RAB27B: variants seen among roughly 807,000 people sequenced by gnomAD.
The protein encoded by RAB27B is RAB27B, member RAS oncogene family.
A neutral mutation model predicts 24.6 loss-of-function variants in RAB27B; 15 were observed. The ratio of observed to expected loss-of-function variants is 0.61; its 90% CI spans 0.41 to 0.94. The LOEUF (loss-of-function observed/expected upper bound fraction) is 0.94, where lower values mean the gene tolerates loss of function less well. Ranked by LOEUF, RAB27B falls within the 40% of genes least tolerant of loss-of-function variation. The pLI is 0.00. For synonymous variants in RAB27B, 105 were observed against 92.5 expected, an observed-to-expected ratio of 1.14 and a Z score of -0.78; for missense variants, 261 against 266.8, an observed-to-expected ratio of 0.98 and a Z score of 0.15.
chr18:54,831,685 G>T (rs997951767), intron 1 of RAB27B, among the ~76,000 whole-genome samples: 1 of 152,012 alleles, frequency 6.6e-6, no homozygotes, highest in Non-Finnish European at 1.5e-5. Flanking sequence ...ATACTAAGAA[G>T]AAAAAATGTT....
upstream of RAB27B, among the ~76,000 whole-genome samples, chr18:54,824,374 G>A (rs114477032): frequency 6.6e-6 from 1 of 152,180 alleles, no homozygotes; most frequent in Non-Finnish European, 1.5e-5. Flanking sequence ...TGATCTAACT[G>A]TGGTAACAAC....
rs576493939 is a variant in RAB27B at position 54,814,624 on chromosome 18, T to A, written c.-19-62943T>A. On this transcript the variant is annotated intron_variant, in intron 2 of 4. Transcript: ENST00000586570. Reference sequence around the variant, plus strand: ...TCTTAGATTAGTTATATCTAATCCCTCTTCTGTAGATGATAAAAAGGCAAG... The same window carrying A: ...TCTTAGATTAGTTATATCTAATCCCACTTCTGTAGATGATAAAAAGGCAAG... 3.9e-5 allele frequency among the ~76,000 whole-genome samples: 6 copies of A among 152,338 alleles called. No homozygotes were observed. The East Asian group carries it at 9.6e-4, about 24-fold the overall frequency.
rs1027315686 is a variant in RAB27B, at chr18:54,786,355, CAG to C, written c.-20+68220_-20+68221del. On this transcript the variant is annotated intron_variant, in intron 2 of 4. Transcript: ENST00000586570. ...TTTTCTTTCTCTGTGTCATCTCACA[CAG>C]AGAGAAAAGAATGGAAGTTCACGGA... Among the ~76,000 whole-genome samples, 5 of 152,322 alleles carry C rather than the reference CAG, an allele frequency of 3.3e-5. No individual in the cohort carries two copies. The South Asian group carries it at 8.3e-4, about 25-fold the overall frequency.
chr18:54,782,179 C>T (rs1820279701), intron 2 of RAB27B, among the ~76,000 whole-genome samples: 1 of 152,138 alleles, frequency 6.6e-6, no homozygotes, highest in Admixed American at 6.5e-5. Flanking sequence ...AAAGAATATC[C>T]TGCACAATGT....
At chr18:54,835,094 T>C (rs1910843335) in intron 1 of RAB27B, among the ~76,000 whole-genome samples, 1 of 152,048 alleles carries the variant, frequency 6.6e-6, no homozygotes, top group Admixed American at 6.5e-5. Context: ...AATATATTAT[T>C]TTCATAAACA....
rs1019201610 is a variant in RAB27B at position 54,892,237 on chromosome 18, G to C, written c.*2824G>C. 3.3e-5 allele frequency: 5 copies of C among 151,978 alleles called. No individual in the cohort carries two copies. The highest frequency in any genetic ancestry group is 4.1e-4 in the South Asian group (2 of 4,830). 9.4% of individuals were successfully genotyped at this position (151,978 alleles called of 1,614,324 possible). ...CTTTCTGATATAGAAACCATTTCTG[G>C]AGTATTTACACTGGTTTGATGTTTA... On this transcript the variant is annotated 3_prime_UTR_variant, in exon 6 of 6. Coordinates refer to ENST00000262094, the MANE Select transcript of RAB27B (RefSeq NM_004163.4).
Position 54,784,132 on chromosome 18 carries a change from T to C in RAB27B, c.-20+65991T>C, listed in dbSNP as rs147038323. On this transcript the variant is annotated intron_variant, in intron 2 of 4. Coordinates refer to the RAB27B transcript ENST00000586570. ...AACCTATGGCTGGAGAGTCATGCAATTAATTAAAACAATCAAAGCAGAAGT... is the reference window on the plus strand; with the variant it reads ...AACCTATGGCTGGAGAGTCATGCAACTAATTAAAACAATCAAAGCAGAAGT... Among the ~76,000 whole-genome samples, 437 of 152,210 alleles carry C rather than the reference T, an allele frequency of 2.9e-3. 7 individuals are homozygous for C. The highest frequency in any genetic ancestry group is 0.028 in the South Asian group (136 of 4,818).
At chr18:54,859,802 A>C (rs1431669503) in intron 1 of RAB27B, among the ~76,000 whole-genome samples, 1 of 152,270 alleles carries the variant, frequency 6.6e-6, no homozygotes, top group Non-Finnish European at 1.5e-5. Context: ...GGTTACTGCC[A>C]AGAAGTAAAC....
intron 2 of RAB27B, among the ~76,000 whole-genome samples, chr18:54,819,390 A>G (rs1161889157): frequency 1.3e-5 from 2 of 149,780 alleles, no homozygotes; most frequent in African/African-American, 4.9e-5. Flanking sequence ...AAATTAGCTA[A>G]GCATAGTGGC....
At chr18:54,873,752 T>C (rs535719514) in intron 1 of RAB27B, among the ~76,000 whole-genome samples, 1 of 147,614 alleles carries the variant, frequency 6.8e-6, no homozygotes, top group Admixed American at 6.7e-5. Flanking sequence ...GAGACAGACA[T>C]AGACAGAGTG....
chr18:54,789,514 T>C (rs1052332209), intron 2 of RAB27B, among the ~76,000 whole-genome samples: 5 of 152,156 alleles, frequency 3.3e-5, no homozygotes, highest in African/African-American at 1.2e-4. Context: ...TAAATATGTA[T>C]GTATACATGT....
intron 1 of RAB27B, among the ~76,000 whole-genome samples, chr18:54,873,997 A>G (rs574599435): frequency 1.3e-5 from 2 of 152,290 alleles, no homozygotes; most frequent in East Asian, 3.9e-4. Context: ...CCACAGTGGA[A>G]TTGATTTGTG....
chr18:54,792,279 G>A (rs1428375368), intron 2 of RAB27B, among the ~76,000 whole-genome samples: 3 of 152,048 alleles, frequency 2.0e-5, no homozygotes, highest in Non-Finnish European at 2.9e-5. Flanking sequence ...CTGAAGAAGC[G>A]AGCCACACCC....
intron 2 of RAB27B, among the ~76,000 whole-genome samples, chr18:54,804,926 CTT>C (rs1183549885): frequency 1.3e-5 from 1 of 74,568 alleles, no homozygotes; most frequent in Non-Finnish European, 3.6e-5. Flanking sequence ...TTCTTTCTTT[CTT>C]TCTTTCTTTC....
intron 2 of RAB27B, among the ~76,000 whole-genome samples, chr18:54,772,627 G>C (rs1035452362): frequency 6.6e-6 from 1 of 152,122 alleles, no homozygotes; most frequent in Non-Finnish European, 1.5e-5. Context: ...GTTGACTTAA[G>C]ACAGTTAAAA....
upstream of RAB27B, among the ~76,000 whole-genome samples, chr18:54,825,365 C>T (rs1046795247): frequency 1.1e-4 from 16 of 152,136 alleles, no homozygotes; most frequent in African/African-American, 3.9e-4. Context: ...CAAAGTTCAT[C>T]ATCTTCATTT....
chr18:54,757,841 G>A (rs1358789818), intron 2 of RAB27B, among the ~76,000 whole-genome samples: 4 of 151,714 alleles, frequency 2.6e-5, no homozygotes, highest in Admixed American at 2.6e-4. Flanking sequence ...TACAAAATTA[G>A]GTATGAAAAC....
At chr18:54,817,058 C>A (rs927828977) in intron 2 of RAB27B, among the ~76,000 whole-genome samples, 1 of 152,052 alleles carries the variant, frequency 6.6e-6, no homozygotes, top group Non-Finnish European at 1.5e-5. Flanking sequence ...CGTTTTACAT[C>A]TCAATTTTTT....
At chr18:54,728,289 C>A (rs1295352792) in intron 2 of RAB27B, among the ~76,000 whole-genome samples, 4 of 152,100 alleles carry the variant, frequency 2.6e-5, no homozygotes, top group Non-Finnish European at 5.9e-5. Context: ...AAAGAACTAG[C>A]AGCCCTCCCC....
Sources: gnomAD v4.1 joint callset for allele counts (sites outside exome capture counted in the v4.1 genomes callset) on GRCh38, gnomAD v4.1.1 for gene constraint, MANE v1.5 for transcripts, NCBI Gene and HGNC (gene_info 2026-07-23, HGNC 2026-07-21) for gene names.